Variants in SMAD3 observed in about 807,000 individuals in gnomAD.
The protein encoded by SMAD3 is MAD homolog 3.
Under a neutral mutation model 51.8 loss-of-function variants are expected in SMAD3, and 12 were observed. The ratio of observed to expected loss-of-function variants is 0.23; its 90% CI spans 0.15 to 0.38. SMAD3 has a LOEUF of 0.38. Ranked by LOEUF, SMAD3 falls within the 10% of genes least tolerant of loss-of-function variation. The pLI, the probability that SMAD3 is intolerant of heterozygous loss-of-function variation, is 1.00. For missense variants in SMAD3, 294 were observed against 565.6 expected, an observed-to-expected ratio of 0.52 and a Z score of 4.87; for synonymous variants, 238 against 227.7, an observed-to-expected ratio of 1.05 and a Z score of -0.41.
At chr15:67,177,565 G>A (rs768000416) in intron 5 of SMAD3, among the ~76,000 whole-genome samples, 5 of 151,860 alleles carry the variant, frequency 3.3e-5, no homozygotes, top group African/African-American at 9.7e-5. Context: ...TGGGATTACA[G>A]GCACCCGTCA....
chr15:67,117,638 A>G (rs1338280410), intron 1 of SMAD3, among the ~76,000 whole-genome samples: 2 of 152,070 alleles, frequency 1.3e-5, no homozygotes, highest in Non-Finnish European at 2.9e-5. Context: ...TGTGAAAGAG[A>G]TGTGGTTTGT....
chr15:67,121,286 G>A (rs117683492), intron 1 of SMAD3, among the ~76,000 whole-genome samples: 1,805 of 152,298 alleles, frequency 0.012, 15 homozygotes, highest in Non-Finnish European at 0.016. Context: ...GGGCTGTGAC[G>A]CAGGCTGGCT....
intron 1 of SMAD3, among the ~76,000 whole-genome samples, chr15:67,114,886 A>T (rs1961101664): frequency 6.6e-6 from 1 of 152,056 alleles, no homozygotes; most frequent in African/African-American, 2.4e-5. Context: ...CTGCACAGTC[A>T]CCCCTAGGCC....
At position 67,191,861 on chromosome 15, in the gene SMAD3, T is replaced by C. The variant is rs139620908; in HGVS notation, c.*1325T>C. On this transcript the variant is annotated 3_prime_UTR_variant, in exon 9 of 9. Transcript: ENST00000327367. ...CCGGTAGAGGATCACCGGTGACAAC[T>C]ATAGCAGTTGTATTGTGTAACAAGT... 310 of 229,372 alleles carry C rather than the reference T, an allele frequency of 1.4e-3. 4 individuals are homozygous for C. The East Asian group carries it at 0.015, about 11-fold the overall frequency. 14.2% of individuals were successfully genotyped at this position (229,372 alleles called of 1,614,324 possible). A position where few individuals can be genotyped will look rare whatever the true frequency, so the allele number is the denominator to read the frequency against.
rs538908982 is a variant in SMAD3, at chr15:67,162,537, T to C, written c.207-2358T>C. 5.2e-4 allele frequency among the ~76,000 whole-genome samples: 79 copies of C among 152,206 alleles called. 1 individual carries two copies. The highest frequency in any genetic ancestry group is 4.6e-3 in the Admixed American group (70 of 15,294). ...CACGTATGCACAGCCCACTTACACATCTCAGAGGCTACATACTGCTTTTAG... is the reference window on the plus strand; with the variant it reads ...CACGTATGCACAGCCCACTTACACACCTCAGAGGCTACATACTGCTTTTAG... On this transcript the variant is annotated intron_variant, in intron 1 of 8. Coordinates refer to ENST00000327367, the MANE Select transcript of SMAD3 (RefSeq NM_005902.4).
rs1426924445 is a variant in SMAD3, at chr15:67,192,730, C to T, written c.*2194C>T. 1 of 232,898 alleles carries T rather than the reference C, an allele frequency of 4.3e-6. No individual in the cohort carries two copies. The highest frequency in any genetic ancestry group is 8.5e-6 in the Non-Finnish European group (1 of 117,936). 14.4% of individuals were successfully genotyped at this position (232,898 alleles called of 1,614,324 possible). ...AGCCTGATTCTGGTGATCCAGTGAT[C>T]TATGGAAGTCGTGTCTTACTCCAGG... is the stretch of plus-strand genomic sequence containing the variant. On this transcript the variant is annotated 3_prime_UTR_variant, in exon 9 of 9. Transcript: ENST00000327367.
intron 1 of SMAD3, among the ~76,000 whole-genome samples, chr15:67,069,125 T>C (rs1165427837): frequency 1.3e-5 from 2 of 152,184 alleles, no homozygotes; most frequent in Non-Finnish European, 2.9e-5. Flanking sequence ...AGCTGTATAC[T>C]AGGGACTTCC....
At chr15:67,145,728 T>C (rs566420205) in intron 1 of SMAD3, among the ~76,000 whole-genome samples, 1 of 152,238 alleles carries the variant, frequency 6.6e-6, no homozygotes, top group Admixed American at 6.5e-5. Flanking sequence ...AATGAGGAAA[T>C]GGGCCCCCGG....
intron 1 of SMAD3, among the ~76,000 whole-genome samples, chr15:67,108,142 G>T (rs373069341): frequency 1.3e-5 from 2 of 152,272 alleles, no homozygotes; most frequent in African/African-American, 4.8e-5. Context: ...CTCTCACTTG[G>T]CCTTGCCCTC....
intron 1 of SMAD3, among the ~76,000 whole-genome samples, chr15:67,087,638 T>C (rs1960421807): frequency 2.0e-5 from 3 of 152,180 alleles, no homozygotes; most frequent in African/African-American, 7.2e-5. Context: ...AGGCTTTCCT[T>C]TCCCGGCGGG....
intron 1 of SMAD3, among the ~76,000 whole-genome samples, chr15:67,157,120 T>C (rs1376469152): frequency 3.4e-4 from 52 of 152,188 alleles, no homozygotes; most frequent in Non-Finnish European, 7.3e-4. Flanking sequence ...TACTACTCAA[T>C]GGGCAAGTTG....
chr15:67,191,058 A>AACC lies in SMAD3; in HGVS notation c.*522_*523insACC. ...CAGCCCCGCCCCGCCCCGCCCCACC[A>AACC]CTCCAGCAGACCTTGCCCCTTGTGA... On this transcript the variant is annotated 3_prime_UTR_variant, in exon 9 of 9. Coordinates refer to ENST00000327367, the MANE Select transcript of SMAD3 (RefSeq NM_005902.4). The AACC allele has an allele frequency of 1.7e-5, 1 of 57,760 alleles. No individual in the cohort carries two copies. Among genetic ancestry groups the AACC allele is most frequent in the African/African-American group, 8.5e-5 (1 of 11,764 alleles). The allele number at this position is 57,760 out of a possible 1,614,324, so 3.6% of individuals were successfully genotyped here. A position where few individuals can be genotyped will look rare whatever the true frequency, so the allele number is the denominator to read the frequency against.
chr15:67,077,954 T>A (rs1960206064), intron 1 of SMAD3: 1 of 152,214 alleles, frequency 6.6e-6, no homozygotes, highest in African/African-American at 2.4e-5. Context: ...AGTGGCACGG[T>A]GAAAGCCACC....
intron 1 of SMAD3, among the ~76,000 whole-genome samples, chr15:67,084,796 C>T (rs1960354219): frequency 6.6e-6 from 1 of 152,188 alleles, no homozygotes; most frequent in African/African-American, 2.4e-5. Context: ...TAGGCACCGG[C>T]TGCATTCCAA....
chr15:67,132,913 T>TA (rs1961560401), intron 1 of SMAD3, among the ~76,000 whole-genome samples: 1 of 152,202 alleles, frequency 6.6e-6, no homozygotes, highest in African/African-American at 2.4e-5. Context: ...CTCCACAGTT[T>TA]AAAACAGCCC....
At chr15:67,088,761 T>C (rs1379586191) in intron 1 of SMAD3, among the ~76,000 whole-genome samples, 1 of 152,106 alleles carries the variant, frequency 6.6e-6, no homozygotes, top group African/African-American at 2.4e-5. Flanking sequence ...ACCCTGCCTC[T>C]ACTAAAAATA....
chr15:67,092,021 GA>G (rs1960519359), intron 1 of SMAD3, among the ~76,000 whole-genome samples: 1 of 152,202 alleles, frequency 6.6e-6, no homozygotes, highest in Non-Finnish European at 1.5e-5. Flanking sequence ...GGCCTGTCTA[GA>G]GCAGTTGCAG....
At chr15:67,183,141 C>T (rs1443011003) in intron 6 of SMAD3, among the ~76,000 whole-genome samples, 3 of 147,520 alleles carry the variant, frequency 2.0e-5, no homozygotes, top group Non-Finnish European at 4.5e-5. Flanking sequence ...CTCCCAGGTT[C>T]AAGTGATTCT....
At chr15:67,114,578 G>T (rs1215064789) in intron 1 of SMAD3, among the ~76,000 whole-genome samples, 2 of 152,088 alleles carry the variant, frequency 1.3e-5, no homozygotes, top group Non-Finnish European at 2.9e-5. Flanking sequence ...TCATTACTTC[G>T]CAGTTGACAG....
Sources: gnomAD v4.1 joint callset for allele counts (sites outside exome capture counted in the v4.1 genomes callset) on GRCh38, gnomAD v4.1.1 for gene constraint, MANE v1.5 for transcripts, NCBI Gene and HGNC (gene_info 2026-07-23, HGNC 2026-07-21) for gene names.